CDON: variants seen among roughly 807,000 people sequenced by gnomAD.
CDON encodes the protein cell adhesion molecule-related/down-regulated by oncogenes.
In CDON, 73 loss-of-function variants were observed where a neutral mutation model predicts 120.9. The ratio of observed to expected loss-of-function variants is 0.60; its 90% CI spans 0.50 to 0.73. The LOEUF is 0.73. Among genes scored for constraint, CDON ranks in the 30% least tolerant of loss-of-function variants. The pLI is 0.00. For missense variants in CDON, 1,470 were observed against 1,587.3 expected, an observed-to-expected ratio of 0.93 and a Z score of 1.26; for synonymous variants, 566 against 573.5, an observed-to-expected ratio of 0.99 and a Z score of 0.19.
At chr11:126,061,333 G>A (rs1481799848) in intron 1 of CDON, among the ~76,000 whole-genome samples, 7 of 152,128 alleles carry the variant, frequency 4.6e-5, no homozygotes. Context: ...GGGTTCCAAA[G>A]AATGCTTTCT....
chr11:125,994,147 T>C, intron 14 of CDON, 137 bp downstream of exon 14: 1 of 682,384 alleles, frequency 1.5e-6, no homozygotes, highest in Non-Finnish European at 2.7e-6. Context: ...TGGCTTTCTT[T>C]GGGACAAATT....
chr11:126,037,015 C>T (rs1046735898), intron 1 of CDON, among the ~76,000 whole-genome samples: 1 of 152,104 alleles, frequency 6.6e-6, no homozygotes, highest in African/African-American at 2.4e-5. Context: ...TATATAACAT[C>T]ATATAACTAA....
chr11:126,052,472 T>A (rs2134923952), intron 1 of CDON, among the ~76,000 whole-genome samples: 1 of 152,312 alleles, frequency 6.6e-6, no homozygotes, highest in East Asian at 1.9e-4. Context: ...GTATCCACAG[T>A]TCCTCATCCA....
At chr11:126,007,728 T>C (rs911125243) in intron 8 of CDON, among the ~76,000 whole-genome samples, 1 of 152,202 alleles carries the variant, frequency 6.6e-6, no homozygotes, top group African/African-American at 2.4e-5. Context: ...AGACTTAAGA[T>C]GCAATGAGAC....
At chr11:126,038,807 T>G (rs1948173229) in intron 1 of CDON, among the ~76,000 whole-genome samples, 1 of 151,810 alleles carries the variant, frequency 6.6e-6, no homozygotes, top group Non-Finnish European at 1.5e-5. Context: ...CCTGCCAACA[T>G]AAGTAAGTAC....
chr11:125,965,207 G>C (rs1226395495), intron 18 of CDON, among the ~76,000 whole-genome samples: 2 of 152,118 alleles, frequency 1.3e-5, no homozygotes, highest in Non-Finnish European at 2.9e-5. Context: ...CTAGGATTAC[G>C]GGCGTAAGCC....
chr11:125,996,271 G>A (rs1036369617), intron 12 of CDON, among the ~76,000 whole-genome samples: 1 of 151,478 alleles, frequency 6.6e-6, no homozygotes, highest in African/African-American at 2.4e-5. Context: ...CAGAAATAAA[G>A]AATAGGTAAG....
At chr11:126,043,053 C>T (rs1426928608) in intron 1 of CDON, among the ~76,000 whole-genome samples, 1 of 152,178 alleles carries the variant, frequency 6.6e-6, no homozygotes, top group Non-Finnish European at 1.5e-5. Flanking sequence ...AACAAAAGAA[C>T]CAGAGGCTAC....
At chr11:125,965,243 T>C (rs191542807) in intron 18 of CDON, among the ~76,000 whole-genome samples, 18 of 152,296 alleles carry the variant, frequency 1.2e-4, no homozygotes, top group African/African-American at 4.3e-4. Context: ...AAATAATTCT[T>C]AAAAATTAAA....
intron 1 of CDON, among the ~76,000 whole-genome samples, chr11:126,058,243 A>C (rs1948720918): frequency 1.3e-5 from 2 of 152,218 alleles, no homozygotes; most frequent in Admixed American, 1.3e-4. Context: ...GCTCTTAAGC[A>C]CTGGAGTCCC....
chr11:126,001,220 C>T (rs1946934656), intron 11 of CDON, among the ~76,000 whole-genome samples: 1 of 147,670 alleles, frequency 6.8e-6, no homozygotes, highest in South Asian at 2.1e-4. Context: ...TGAGGTCTCA[C>T]TCTGTCATCC....
chr11:126,063,017 C>G (rs922609496), upstream of CDON, among the ~76,000 whole-genome samples: 47 of 151,776 alleles, frequency 3.1e-4, no homozygotes, highest in Admixed American at 3.1e-3. Context: ...CCGCTGTGCC[C>G]CGCCGGCCCG....
intron 5 of CDON, 97 bp downstream of exon 5, chr11:126,018,233 A>G (rs1947528351): frequency 3.8e-6 from 5 of 1,306,980 alleles, no homozygotes; most frequent in Non-Finnish European, 4.4e-6. Context: ...TTTTTATGAT[A>G]AACAAACAGG....
intron 1 of CDON, among the ~76,000 whole-genome samples, chr11:126,060,549 G>A (rs1162035440): frequency 4.4e-5 from 6 of 137,616 alleles, no homozygotes; most frequent in Non-Finnish European, 9.6e-5. Context: ...TAGTCTAAAC[G>A]TTCGTGGAAA....
chr11:125,960,764 CATAA>C lies in CDON; in HGVS notation c.*174_*177del. 1 of 655,484 alleles carries C rather than the reference CATAA, an allele frequency of 1.5e-6. No homozygotes were observed. The highest frequency in any genetic ancestry group is 1.9e-5 in the South Asian group (1 of 53,920). The allele number at this position is 655,484 out of a possible 1,614,324, so 40.6% of individuals were successfully genotyped here. A position where few individuals can be genotyped will look rare whatever the true frequency, so the allele number is the denominator to read the frequency against. ...GGAATGGGGAAGAAAACATTTAAGG[CATAA>C]ATAATATAAAAGGGCACACGTTTTA... On this transcript the variant is annotated 3_prime_UTR_variant, in exon 20 of 20. Coordinates refer to ENST00000531738, the MANE Select transcript of CDON (RefSeq NM_001378964.1).
intron 1 of CDON, among the ~76,000 whole-genome samples, chr11:126,055,778 G>A (rs562110221): frequency 5.7e-4 from 87 of 152,244 alleles, no homozygotes; most frequent in African/African-American, 2.0e-3. Context: ...ATACTTTTAA[G>A]TATTATCATT....
intron 8 of CDON, among the ~76,000 whole-genome samples, chr11:126,009,230 C>T (rs1249145481): frequency 6.6e-6 from 1 of 152,232 alleles, no homozygotes; most frequent in African/African-American, 2.4e-5. Context: ...TCCTCCGCCT[C>T]CAGCTTCATT....
chr11:126,021,566 G>C (rs1459151058), intron 2 of CDON, 46 bp from the exon 3 acceptor site: 1 of 1,552,590 alleles, frequency 6.4e-7, no homozygotes, highest in South Asian at 1.1e-5. Flanking sequence ...GGGGAGAAAA[G>C]AGGAGAGAGA....
intron 15 of CDON, among the ~76,000 whole-genome samples, chr11:125,987,056 A>G (rs888414181): frequency 1.3e-5 from 2 of 152,236 alleles, no homozygotes; most frequent in African/African-American, 4.8e-5. Context: ...TCCGTATCAT[A>G]TATTAAAGAT....
Sources: gnomAD v4.1 joint callset for allele counts (sites outside exome capture counted in the v4.1 genomes callset) on GRCh38, gnomAD v4.1.1 for gene constraint, MANE v1.5 for transcripts, NCBI Gene and HGNC (gene_info 2026-07-23, HGNC 2026-07-21) for gene names.